The following CPT1A variants were observed in gnomAD, a reference collection of about 807,000 sequenced individuals.
CPT1A encodes the protein carnitine palmitoyltransferase 1A, also known as carnitine O-palmitoyltransferase 1, liver isoform.
In CPT1A, 64 loss-of-function variants were observed where a neutral mutation model predicts 100.8. The ratio of observed to expected loss-of-function variants is 0.63; its 90% CI spans 0.52 to 0.78. CPT1A has a LOEUF of 0.78. Among genes scored for constraint, CPT1A ranks in the 30% least tolerant of loss-of-function variants. CPT1A has a pLI of 0.00. For synonymous variants in CPT1A, 363 were observed against 396.0 expected (o/e 0.92, Z 0.99); for missense variants, 802 against 1,034.1 (o/e 0.78, Z 3.08).
chr11:68,794,382 T>A (rs901318465), intron 8 of CPT1A, among the ~76,000 whole-genome samples: 1 of 152,138 alleles, frequency 6.6e-6, no homozygotes, highest in East Asian at 1.9e-4. Flanking sequence ...TATATACACA[T>A]CAGAAGTTAG....
intron 7 of CPT1A, among the ~76,000 whole-genome samples, chr11:68,795,349 C>T (rs144986409): frequency 6.6e-6 from 1 of 152,228 alleles, no homozygotes; most frequent in African/African-American, 2.4e-5. Flanking sequence ...AAGAAAAGGC[C>T]AAGGAACACA....
intron 8 of CPT1A, among the ~76,000 whole-genome samples, chr11:68,794,289 T>C (rs11228358): frequency 0.13 from 19,563 of 152,172 alleles, 1,398 homozygotes; most frequent in African/African-American, 0.19. Context: ...GAGGGAGAGA[T>C]GACAAAGGGC....
intron 11 of CPT1A, 148 bp downstream of exon 11, chr11:68,781,623 A>G: frequency 2.4e-6 from 2 of 825,818 alleles, no homozygotes; most frequent in Non-Finnish European, 4.1e-6. Flanking sequence ...CCATTTCAAA[A>G]AATAAAATAA....
At chr11:68,767,345 C>CA (rs1409488028) in intron 14 of CPT1A, among the ~76,000 whole-genome samples, 2 of 152,174 alleles carry the variant, frequency 1.3e-5, no homozygotes, top group African/African-American at 4.8e-5. Context: ...CCTGTAATCC[C>CA]AGCACTTTGG....
upstream of CPT1A, among the ~76,000 whole-genome samples, chr11:68,842,235 C>G (rs1334106465): frequency 6.6e-6 from 1 of 152,138 alleles, no homozygotes; most frequent in Non-Finnish European, 1.5e-5. Flanking sequence ...CCAGGCACCC[C>G]CTGATGGTAT....
intron 14 of CPT1A, among the ~76,000 whole-genome samples, chr11:68,769,407 T>A (rs1177216757): frequency 6.6e-6 from 1 of 150,582 alleles, no homozygotes; most frequent in African/African-American, 2.4e-5. Context: ...GGGCTAATTT[T>A]TTTTTTTTTT....
chr11:68,816,548 C>A (rs1268908458), intron 1 of CPT1A, among the ~76,000 whole-genome samples: 1 of 152,122 alleles, frequency 6.6e-6, no homozygotes, highest in East Asian at 1.9e-4. Flanking sequence ...TGGCTCCGGC[C>A]GCCTTCCTTC....
Position 68,787,343 on chromosome 11 carries a change from G to A in CPT1A, c.968-2333C>T, listed in dbSNP as rs181259266. On this transcript the variant is annotated intron_variant, in intron 9 of 18. Coordinates refer to ENST00000265641, the MANE Select transcript of CPT1A (RefSeq NM_001876.4). ...CCCAGCTACTCAGGATGCTGAGGCA[G>A]GAGAAGCTTGAACCCGGGAGGCAGA... Among the ~76,000 whole-genome samples the A allele has an allele frequency of 1.3e-3, 200 of 152,030 alleles. 1 individual carries two copies. Among genetic ancestry groups the A allele is most frequent in the East Asian group, 8.0e-3 (41 of 5,156 alleles).
At position 68,761,551 on chromosome 11, in the gene CPT1A, G is replaced by C; in HGVS notation, c.2012C>G (p.Ser671Cys). Reference protein sequence around the residue: ...YVVSKYLAVESPFLKEVLSEP... With the variant: ...YVVSKYLAVECPFLKEVLSEP... The stretch of plus-strand genomic sequence containing the variant: ...GAGACTTACTTCCTTAAGGAAAGGG[G>C]ACTCCACAGCGAGATATTTAGACAC... Residue 671 changes from serine (S) to cysteine (C), a missense_variant, in exon 16 of 19, where the codon TCC becomes TGC. Ser to Cys is a moderately radical substitution (Grantham distance 112, BLOSUM62 -1). This residue lies in a region of CPT1A where 627 missense variants were observed against 799.3 expected (regional missense o/e 0.78). Coordinates refer to ENST00000265641, the MANE Select transcript of CPT1A (RefSeq NM_001876.4). 6.2e-7 allele frequency: 1 copy of C among 1,613,974 alleles called. No homozygotes were observed. The highest frequency in any genetic ancestry group is 8.5e-7 in the Non-Finnish European group (1 of 1,180,012).
intron 4 of CPT1A, among the ~76,000 whole-genome samples, chr11:68,805,662 C>T (rs1241662851): frequency 6.6e-6 from 1 of 152,152 alleles, no homozygotes; most frequent in South Asian, 2.1e-4. Context: ...CAAAGCAGAC[C>T]CACGGCTTCG....
chr11:68,761,512 C>T lies in CPT1A; in HGVS notation c.2028+23G>A, dbSNP rs369331378. 2.9e-5 allele frequency: 46 copies of T among 1,612,262 alleles called. No individual in the cohort carries two copies. The African/African-American group carries it at 4.3e-4, about 15-fold the overall frequency. Reference sequence around the variant, plus strand: ...GTTTTGGTCTAGCCAATACAACTGACGGAAGAAGTGGAAGAGACTTACTTC... The same window carrying T: ...GTTTTGGTCTAGCCAATACAACTGATGGAAGAAGTGGAAGAGACTTACTTC... On this transcript the variant is annotated intron_variant, in intron 16 of 18. Transcript: ENST00000265641.
intron 3 of CPT1A, among the ~76,000 whole-genome samples, chr11:68,810,638 A>G (rs1856175879): frequency 6.6e-6 from 1 of 152,184 alleles, no homozygotes; most frequent in Non-Finnish European, 1.5e-5. Context: ...CACTTGCTCA[A>G]GCTGTCATCA....
chr11:68,797,847 G>A (rs1243666274), intron 6 of CPT1A, among the ~76,000 whole-genome samples: 12 of 151,970 alleles, frequency 7.9e-5, no homozygotes, highest in African/African-American at 1.9e-4. Context: ...GTGTGGTGGC[G>A]GGTGCCTGTA....
chr11:68,825,363 C>G (rs1856696460), intron 1 of CPT1A, among the ~76,000 whole-genome samples: 1 of 152,168 alleles, frequency 6.6e-6, no homozygotes. Context: ...GCCCACCTCC[C>G]AGGAAGGGAA....
Position 68,775,363 on chromosome 11 carries a change from G to C in CPT1A, c.1528C>G (p.Pro510Ala), listed in dbSNP as rs1279443212. Residue 510 changes from proline (P) to alanine (A), a missense_variant, in exon 13 of 19, where the codon CCG (proline) becomes GCG (alanine). By Grantham distance (27) the Pro-to-Ala change is conservative. Around this residue, in one of 4 missense-constraint regions of CPT1A, gnomAD observed 627 missense variants for 799.3 expected, o/e 0.78. Coordinates refer to ENST00000265641, the MANE Select transcript of CPT1A (RefSeq NM_001876.4). Reference sequence around the variant, plus strand: ...AGCCTGGTGGGGTACGGAATGTTCGGATTGATGTCGCCTTTGCAGTGCCCA... The same window carrying C: ...AGCCTGGTGGGGTACGGAATGTTCGCATTGATGTCGCCTTTGCAGTGCCCA... ...EDGHCKGDIN[P>A]NIPYPTRLQW... 4.3e-6 allele frequency: 7 copies of C among 1,614,116 alleles called. No homozygotes were observed. Among genetic ancestry groups the C allele is most frequent in the Non-Finnish European group, 5.9e-6 (7 of 1,180,048 alleles).
intron 1 of CPT1A, among the ~76,000 whole-genome samples, chr11:68,822,327 T>C (rs1247926946): frequency 6.6e-6 from 1 of 151,738 alleles, no homozygotes; most frequent in Admixed American, 6.6e-5. Context: ...GGCTCAGGAG[T>C]TCGAGACCAG....
intron 12 of CPT1A, among the ~76,000 whole-genome samples, chr11:68,777,449 TAGAACA>T (rs1194943883): frequency 6.6e-6 from 1 of 151,966 alleles, no homozygotes; most frequent in Non-Finnish European, 1.5e-5. Context: ...AAAATAAAAA[TAGAACA>T]AGAACAAGAA....
intron 1 of CPT1A, among the ~76,000 whole-genome samples, chr11:68,825,683 C>G (rs552921777): frequency 1.8e-4 from 27 of 152,008 alleles, no homozygotes; most frequent in African/African-American, 4.6e-4. Context: ...CCGCCTCCCT[C>G]CAGTGCCTGC....
At position 68,784,891 on chromosome 11, in the gene CPT1A, T is replaced by A; in HGVS notation, c.1087A>T (p.Met363Leu). The change falls in exon 10 of 19, where the codon ATG (methionine) becomes TTG (leucine). Residue 363 changes from methionine to leucine, a missense_variant. By Grantham distance (15) the Met-to-Leu change is conservative (BLOSUM62 2). Around this residue, in one of 4 missense-constraint regions of CPT1A, gnomAD observed 627 missense variants for 799.3 expected, o/e 0.78. Coordinates refer to ENST00000265641, the MANE Select transcript of CPT1A (RefSeq NM_001876.4). ...GAGGTATTGTCCAGGATCCTCTGCA[T>A]CTGCTGCTCCATCTCCCGGGGCTTC... ...LLKPREMEQQMQRILDNTSEP... is the reference protein window; with the variant it reads ...LLKPREMEQQLQRILDNTSEP... 1 of 1,614,056 alleles carries A rather than the reference T, an allele frequency of 6.2e-7. No individual in the cohort carries two copies. Among genetic ancestry groups the A allele is most frequent in the Admixed American group, 1.7e-5 (1 of 60,030 alleles).
Sources: gnomAD v4.1 joint callset for allele counts (sites outside exome capture counted in the v4.1 genomes callset) on GRCh38, gnomAD v4.1.1 for gene constraint, gnomAD v4.1.1 regional missense constraint, MANE v1.5 for transcripts, NCBI Gene and HGNC (gene_info 2026-07-23, HGNC 2026-07-21) for gene names.